HAGH: variants seen among roughly 807,000 people sequenced by gnomAD.
HAGH encodes hydroxyacylglutathione hydrolase, mitochondrial.
HAGH carries 29 observed loss-of-function variants against 35.1 expected under a neutral mutation model. The observed-to-expected ratio is 0.83, with a 90% CI of 0.62 to 1.13. HAGH has a LOEUF of 1.13. HAGH is among the 50% of genes most tolerant of loss of function. The pLI is 0.00. For synonymous variants in HAGH, 225 were observed against 176.1 expected, an observed-to-expected ratio of 1.28 and a Z score of -2.20; for missense variants, 478 against 419.6, an observed-to-expected ratio of 1.14 and a Z score of -1.22.
At chr16:1,824,394 C>T (rs986883429) in intron 1 of HAGH, among the ~76,000 whole-genome samples, 5 of 152,174 alleles carry the variant, frequency 3.3e-5, no homozygotes, top group Non-Finnish European at 7.3e-5. Context: ...GCCACAGGGG[C>T]CCAGAAGGCC....
In HAGH at chr16:1,809,924, G is replaced by A; in HGVS notation, c.748-91C>T. 3 of 927,626 alleles carry A rather than the reference G, an allele frequency of 3.2e-6. No homozygotes were observed. The South Asian group carries it at 4.0e-5, about 12-fold the overall frequency. The allele number at this position is 927,626 out of a possible 1,614,324, so 57.5% of individuals were successfully genotyped here. ...CACGTCTGTGATACCAGCACTTTGG[G>A]AGGCTAAGGCAGATGGATCACTTGA... is the stretch of plus-strand genomic sequence containing the variant. On this transcript the variant is annotated intron_variant, in intron 7 of 8. Transcript: ENST00000397356.
Position 1,822,877 on chromosome 16 carries a change from C to A in HAGH, c.237G>T (p.Val79=). ...CAGCCATGCGCACCTTCTGGGGCTG[C>A]ACCGGATCCACAATGGCAGCCTCCT... ...ETKEAAIVDP[V]QPQKVVDAAR... is the part of the protein sequence containing the mutation. The change falls in exon 2 of 9, where the codon GTG becomes GTT. Residue 79 remains valine (V), a synonymous_variant. Coordinates refer to ENST00000397356, the MANE Select transcript of HAGH (RefSeq NM_005326.6). The A allele has an allele frequency of 6.2e-7, 1 of 1,613,614 alleles. No homozygotes were observed. The highest frequency in any genetic ancestry group is 1.3e-5 in the African/African-American group (1 of 75,042).
chr16:1,827,106 C>T (rs1482595295), upstream of HAGH: 1 of 1,342,630 alleles, frequency 7.4e-7, no homozygotes, highest in Non-Finnish European at 1.0e-6. Flanking sequence ...CCCGGGTACC[C>T]GGCAGATCGC....
At chr16:1,812,529 A>G (rs1466601167) in intron 7 of HAGH, 4 of 152,012 alleles carry the variant, frequency 2.6e-5, no homozygotes, top group African/African-American at 9.7e-5. Flanking sequence ...ACAAAAAAAA[A>G]ACACACAAAT....
chr16:1,809,463 C>A, intron 8 of HAGH, 81 bp from the exon 9 acceptor site: 2 of 1,181,950 alleles, frequency 1.7e-6, no homozygotes, highest in Non-Finnish European at 2.5e-6. Context: ...AGGAAGGCGA[C>A]TCGTGCTGGC....
chr16:1,822,937 G>T lies in HAGH; in HGVS notation c.177C>A (p.Asp59Glu), dbSNP rs757658834. ...CATCAATGACCAGGTACATGTAGTT[G>T]TCGGTCAGGGCAGGCAGCACCTCTA... ...MKVEVLPALT[D>E]NYMYLVIDDE... is the part of the protein sequence containing the mutation. The change falls in exon 2 of 9, where the codon GAC (aspartate) becomes GAA (glutamate). Residue 59 changes from aspartate to glutamate, a missense_variant. Coordinates refer to ENST00000397356, the MANE Select transcript of HAGH (RefSeq NM_005326.6). The T allele has an allele frequency of 9.3e-6, 15 of 1,613,578 alleles. No individual in the cohort carries two copies. The highest frequency in any genetic ancestry group is 1.2e-5 in the Non-Finnish European group (14 of 1,179,706).
chr16:1,817,174 C>CG lies in HAGH; in HGVS notation c.638dup (p.Asp214GlyfsTer73), dbSNP rs751524326. Reference sequence around the variant, plus strand: ...GCAGGGAGGCGCTGCCTACTGTGTCCGGGGGGAGCCGGCCCAAGACCTCCA... The same window carrying CG: ...GCAGGGAGGCGCTGCCTACTGTGTCCGGGGGGGAGCCGGCCCAAGACCTCCA... On this transcript the variant is annotated frameshift_variant, in exon 6 of 9. Coordinates refer to ENST00000397356, the MANE Select transcript of HAGH (RefSeq NM_005326.6). LOFTEE classifies it high-confidence loss of function. 1.2e-6 allele frequency: 2 copies of CG among 1,604,640 alleles called. No homozygotes were observed. Among genetic ancestry groups the CG allele is most frequent in the African/African-American group, 1.3e-5 (1 of 74,844 alleles).
intron 7 of HAGH, 23 bp from the exon 8 acceptor site, chr16:1,809,856 T>C (rs1261233796): frequency 6.3e-6 from 10 of 1,577,374 alleles, no homozygotes; most frequent in Middle Eastern, 3.3e-4. Context: ...CGCACCACTT[T>C]ATCACGGGAA....
chr16:1,820,944 C>T (rs112187327), intron 3 of HAGH, among the ~76,000 whole-genome samples: 2 of 152,238 alleles, frequency 1.3e-5, no homozygotes, highest in South Asian at 2.1e-4. Flanking sequence ...TTAGAGGGGC[C>T]GGGGAACTAA....
chr16:1,826,528 G>A (rs1219776893), intron 1 of HAGH, 184 bp downstream of exon 1: 4 of 980,870 alleles, frequency 4.1e-6, no homozygotes, highest in African/African-American at 1.8e-5. Flanking sequence ...CGCACCCGCG[G>A]CCCCGCGCCC....
upstream of HAGH, chr16:1,827,026 G>A: frequency 1.4e-6 from 1 of 737,544 alleles, no homozygotes; most frequent in Non-Finnish European, 2.1e-6. Context: ...CGCCGGGAGA[G>A]CTGTGCCGCG....
intron 1 of HAGH, chr16:1,826,489 A>T (rs1898428135): frequency 2.2e-6 from 2 of 910,282 alleles, no homozygotes; most frequent in Non-Finnish European, 1.3e-6. Flanking sequence ...CGGCGGACGC[A>T]GGCCTGGCCC....
In HAGH at chr16:1,809,177, G is replaced by A. The variant is rs1318811316; in HGVS notation, c.*106C>T. ...TGTCCGATAACACAAGCCAAGGGCT[G>A]TAAAATTAAGGTTAAATCAAGACTG... On this transcript the variant is annotated 3_prime_UTR_variant, in exon 9 of 9. Coordinates refer to ENST00000397356, the MANE Select transcript of HAGH (RefSeq NM_005326.6). 4 of 752,044 alleles carry A rather than the reference G, an allele frequency of 5.3e-6. No homozygotes were observed. The highest frequency in any genetic ancestry group is 2.5e-5 in the East Asian group (1 of 40,156). 46.6% of individuals were successfully genotyped at this position (752,044 alleles called of 1,614,324 possible).
At chr16:1,810,165 A>AGG in intron 7 of HAGH, 1 of 134,918 alleles carries the variant, frequency 7.4e-6, no homozygotes. Context: ...GTCTCAAAAA[A>AGG]TGCTTCAGAA....
intron 3 of HAGH, chr16:1,822,005 T>C (rs944833725): frequency 1.1e-4 from 36 of 339,508 alleles, no homozygotes; most frequent in African/African-American, 5.0e-4. Context: ...CTCCCCAACA[T>C]TGAGGCCAAC....
At chr16:1,825,347 C>T (rs1187606138) in intron 1 of HAGH, among the ~76,000 whole-genome samples, 1 of 152,158 alleles carries the variant, frequency 6.6e-6, no homozygotes, top group African/African-American at 2.4e-5. Flanking sequence ...CCATCACAGC[C>T]TCCTGAAGAA....
In HAGH at chr16:1,809,232, A is replaced by T; in HGVS notation, c.*51T>A. 1.6e-6 allele frequency: 2 copies of T among 1,239,042 alleles called. No homozygotes were observed. The highest frequency in any genetic ancestry group is 1.9e-5 in the Admixed American group (1 of 52,074). 76.8% of individuals were successfully genotyped at this position (1,239,042 alleles called of 1,614,324 possible). A position where few individuals can be genotyped will look rare whatever the true frequency, so the allele number is the denominator to read the frequency against. Reference sequence around the variant, plus strand: ...TCCCGCACGGACCAGCAGGAAAGCCAGTTACCTAAAAGAGCCTAATCCCCA... The same window carrying T: ...TCCCGCACGGACCAGCAGGAAAGCCTGTTACCTAAAAGAGCCTAATCCCCA... On this transcript the variant is annotated 3_prime_UTR_variant, in exon 9 of 9. Transcript: ENST00000397356.
At position 1,823,627 on chromosome 16, in the gene HAGH, C is replaced by T. The variant is rs540951452; in HGVS notation, c.77-590G>A. On this transcript the variant is annotated intron_variant, in intron 1 of 8. Coordinates refer to ENST00000397356, the MANE Select transcript of HAGH (RefSeq NM_005326.6). Reference sequence around the variant, plus strand: ...GCATGGTGGTGCATGCCTGTGGTCCCAGCTACTCCGGAGGCTGAGGCAGGA... The same window carrying T: ...GCATGGTGGTGCATGCCTGTGGTCCTAGCTACTCCGGAGGCTGAGGCAGGA... 2.4e-3 allele frequency among the ~76,000 whole-genome samples: 370 copies of T among 151,226 alleles called. 2 individuals carry two copies. The highest frequency in any genetic ancestry group is 8.4e-3 in the African/African-American group (346 of 41,214).
chr16:1,810,268 A>C (rs763339736), intron 7 of HAGH: 427 of 168,736 alleles, frequency 2.5e-3, no homozygotes, highest in Non-Finnish European at 4.0e-3. Flanking sequence ...TGGAAGAGGG[A>C]AGAGAAGCCA....
Sources: gnomAD v4.1 joint callset for allele counts (sites outside exome capture counted in the v4.1 genomes callset) on GRCh38, gnomAD v4.1.1 for gene constraint, MANE v1.5 for transcripts, NCBI Gene and HGNC (gene_info 2026-07-23, HGNC 2026-07-21) for gene names.